The following NLGN1 variants were observed in gnomAD, a reference collection of about 807,000 sequenced individuals.
NLGN1 encodes neuroligin 1, also known as neuroligin-1.
In NLGN1, 12 loss-of-function variants were observed where a neutral mutation model predicts 65.5. That is an observed-to-expected ratio of 0.18 (90% CI 0.12 to 0.30). The LOEUF is 0.30. Among genes scored for constraint, NLGN1 ranks in the 10% least tolerant of loss-of-function variants. NLGN1 has a pLI of 1.00. For missense variants in NLGN1, 750 were observed against 1,007.1 expected (o/e 0.74, Z 3.46); for synonymous variants, 350 against 359.5 (o/e 0.97, Z 0.30).
At chr3:174,274,869 A>T (rs772332268) in intron 4 of NLGN1, among the ~76,000 whole-genome samples, 3 of 151,956 alleles carry the variant, frequency 2.0e-5, no homozygotes, top group Middle Eastern at 3.4e-3. Flanking sequence ...ACACATGTCC[A>T]TCCTGCCATT....
chr3:173,824,904 T>A (rs1209440475), intron 4 of NLGN1, among the ~76,000 whole-genome samples: 1 of 152,094 alleles, frequency 6.6e-6, no homozygotes, highest in Non-Finnish European at 1.5e-5. Flanking sequence ...TAACTAGAAA[T>A]ATCTTTCATT....
chr3:173,831,575 GA>G (rs1722567826), intron 4 of NLGN1, among the ~76,000 whole-genome samples: 1 of 152,104 alleles, frequency 6.6e-6, no homozygotes, highest in South Asian at 2.1e-4. Flanking sequence ...TAAACATCTT[GA>G]TTAAATTTCA....
chr3:173,574,901 CACAG>C (rs537792529), intron 2 of NLGN1, among the ~76,000 whole-genome samples: 122 of 152,276 alleles, frequency 8.0e-4, no homozygotes, highest in South Asian at 3.9e-3. Flanking sequence ...ATTTAAAAAA[CACAG>C]ACAGGATCTC....
intron 4 of NLGN1, among the ~76,000 whole-genome samples, chr3:174,241,848 CG>C (rs1329628685): frequency 6.6e-6 from 1 of 151,880 alleles, no homozygotes; most frequent in Non-Finnish European, 1.5e-5. Context: ...TTAGTAGAGA[CG>C]GGGTTTCACC....
chr3:173,735,593 C>T (rs1003610214), intron 3 of NLGN1, among the ~76,000 whole-genome samples: 3 of 151,888 alleles, frequency 2.0e-5, no homozygotes, highest in African/African-American at 7.3e-5. Flanking sequence ...TTCTTGCATA[C>T]CAGGCCAACT....
intron 4 of NLGN1, among the ~76,000 whole-genome samples, chr3:173,990,450 T>C (rs1720858454): frequency 6.6e-6 from 1 of 152,212 alleles, no homozygotes; most frequent in Admixed American, 6.5e-5. Flanking sequence ...TTGCAACTTA[T>C]TTGAAATTTT....
At chr3:173,417,899 A>C (rs1714118937) in intron 1 of NLGN1, among the ~76,000 whole-genome samples, 1 of 151,822 alleles carries the variant, frequency 6.6e-6, no homozygotes, top group African/African-American at 2.4e-5. Flanking sequence ...TTACTCATAA[A>C]ATTTTGTGGC....
At chr3:173,936,580 AAAAT>A (rs1338218430) in intron 4 of NLGN1, among the ~76,000 whole-genome samples, 1 of 152,092 alleles carries the variant, frequency 6.6e-6, no homozygotes, top group East Asian at 1.9e-4. Flanking sequence ...TTTTTACATT[AAAAT>A]TCTCAACTGA....
At chr3:174,056,504 TA>T (rs1216226974) in intron 4 of NLGN1, among the ~76,000 whole-genome samples, 1 of 151,994 alleles carries the variant, frequency 6.6e-6, no homozygotes, top group African/African-American at 2.4e-5. Context: ...ATAATTTCCT[TA>T]AAAAACGAGT....
chr3:173,988,352 A>T (rs1185685896), intron 4 of NLGN1, among the ~76,000 whole-genome samples: 1 of 152,188 alleles, frequency 6.6e-6, no homozygotes, highest in Non-Finnish European at 1.5e-5. Context: ...TGTGTGTTAG[A>T]TACAAGCTCA....
At chr3:174,028,761 A>T (rs1187092641) in intron 4 of NLGN1, among the ~76,000 whole-genome samples, 1 of 152,208 alleles carries the variant, frequency 6.6e-6, no homozygotes, top group Non-Finnish European at 1.5e-5. Context: ...GAGGAGTCAA[A>T]TGTTAATCAC....
At chr3:173,541,939 A>G (rs1045682289) in intron 2 of NLGN1, among the ~76,000 whole-genome samples, 14 of 152,028 alleles carry the variant, frequency 9.2e-5, no homozygotes, top group African/African-American at 2.9e-4. Flanking sequence ...GACCCTATCA[A>G]CCAAAAAGTT....
At chr3:173,884,558 A>G (rs1241626447) in intron 4 of NLGN1, among the ~76,000 whole-genome samples, 1 of 152,192 alleles carries the variant, frequency 6.6e-6, no homozygotes, top group African/African-American at 2.4e-5. Flanking sequence ...AAGAACCTAC[A>G]TACTTTGAGA....
intron 4 of NLGN1, among the ~76,000 whole-genome samples, chr3:174,200,772 A>C (rs958926222): frequency 6.6e-6 from 1 of 152,198 alleles, no homozygotes; most frequent in African/African-American, 2.4e-5. Context: ...GGGCAACTTT[A>C]TCTTACTTGA....
chr3:173,541,930 A>T (rs1455090404), intron 2 of NLGN1, among the ~76,000 whole-genome samples: 1 of 151,832 alleles, frequency 6.6e-6, no homozygotes, highest in Non-Finnish European at 1.5e-5. Flanking sequence ...CATTTGATGG[A>T]CCCTATCAAC....
intron 4 of NLGN1, among the ~76,000 whole-genome samples, chr3:173,876,459 A>T (rs942773515): frequency 3.3e-5 from 5 of 152,292 alleles, no homozygotes; most frequent in Non-Finnish European, 7.4e-5. Flanking sequence ...AGAATAATTA[A>T]TGAGGAGACT....
chr3:173,433,244 G>C (rs1433361024), intron 1 of NLGN1, among the ~76,000 whole-genome samples: 1 of 152,126 alleles, frequency 6.6e-6, no homozygotes, highest in African/African-American at 2.4e-5. Flanking sequence ...TTATTGGGCT[G>C]CCCTCCTGCA....
At chr3:174,293,383 A>T in the NLGN1 span, among the ~76,000 whole-genome samples, 1 of 151,588 alleles carries the variant, frequency 6.6e-6, no homozygotes, top group East Asian at 1.9e-4. Flanking sequence ...TAAAATTAAT[A>T]ATACACGACA....
intron 4 of NLGN1, among the ~76,000 whole-genome samples, chr3:173,808,585 C>T (rs114494138): frequency 7.9e-5 from 12 of 152,062 alleles, no homozygotes; most frequent in African/African-American, 2.9e-4. Context: ...ATAGTATTAC[C>T]ACAATTTGAG....
Sources: gnomAD v4.1 joint callset for allele counts (sites outside exome capture counted in the v4.1 genomes callset) on GRCh38, gnomAD v4.1.1 for gene constraint, MANE v1.5 for transcripts, NCBI Gene and HGNC (gene_info 2026-07-23, HGNC 2026-07-21) for gene names.